FANCD2OS: variants seen among roughly 807,000 people sequenced by gnomAD.
The protein encoded by FANCD2OS is FANCD2 opposite strand protein.
In FANCD2OS, 11 loss-of-function variants were observed where a neutral mutation model predicts 13.2. That is an observed-to-expected ratio of 0.83 (90% CI 0.52 to 1.38). The LOEUF is 1.38. FANCD2OS is among the 40% of genes most tolerant of loss of function. The probability of loss-of-function intolerance (pLI) is 0.00; values close to 1 mark genes in which losing one functional copy is unlikely to be tolerated. For synonymous variants in FANCD2OS, 69 were observed against 84.5 expected (o/e 0.82, Z 1.01); for missense variants, 217 against 213.9 (o/e 1.01, Z -0.09).
chr3:10,093,553 G>A (rs1230301322), intron 2 of FANCD2OS, among the ~76,000 whole-genome samples: 1 of 152,210 alleles, frequency 6.6e-6, no homozygotes, highest in Admixed American at 6.5e-5. Context: ...AGTACTAGGA[G>A]GAATGGCTTC....
chr3:10,105,455 T>A (rs1695443044), intron 1 of FANCD2OS, among the ~76,000 whole-genome samples: 1 of 152,002 alleles, frequency 6.6e-6, no homozygotes, highest in East Asian at 1.9e-4. Flanking sequence ...AAGTCATGTC[T>A]TAAAAATATT....
downstream of FANCD2OS, among the ~76,000 whole-genome samples, chr3:10,100,619 A>G (rs1575883281): frequency 6.6e-6 from 1 of 151,938 alleles, no homozygotes; most frequent in Non-Finnish European, 1.5e-5. Flanking sequence ...TGATCTACCC[A>G]CCTCAGCCTT....
At chr3:10,092,411 A>G (rs1002287730) in intron 2 of FANCD2OS, among the ~76,000 whole-genome samples, 3 of 148,738 alleles carry the variant, frequency 2.0e-5, no homozygotes, top group African/African-American at 7.6e-5. Flanking sequence ...CATCCTGGAT[A>G]ACCCCTTTTC....
At chr3:10,094,343 T>A in intron 2 of FANCD2OS, 1 of 1,613,956 alleles carries the variant, frequency 6.2e-7, no homozygotes, top group Non-Finnish European at 8.5e-7. Flanking sequence ...GCTCCTAGAC[T>A]TCAGTTTTAG....
At chr3:10,101,577 G>T, downstream of FANCD2OS, 1 of 392,326 alleles carries the variant, frequency 2.5e-6, no homozygotes, top group Non-Finnish European at 4.8e-6. Flanking sequence ...GTAGATACGG[G>T]GTTTTACCAT....
At chr3:10,086,049 C>G (rs1198240784) in intron 2 of FANCD2OS, 1 of 709,712 alleles carries the variant, frequency 1.4e-6, no homozygotes. Context: ...CAGCTACTCT[C>G]CTCATATATG....
chr3:10,083,481 C>T (rs1008370032), intron 2 of FANCD2OS: 1 of 152,148 alleles, frequency 6.6e-6, no homozygotes, highest in Non-Finnish European at 1.5e-5. Context: ...GGGGACTTTA[C>T]AATGGTACAT....
intron 2 of FANCD2OS, chr3:10,095,001 A>G (rs1694867683): frequency 1.6e-6 from 1 of 609,440 alleles, no homozygotes; most frequent in African/African-American, 1.8e-5. Flanking sequence ...TCAGATTGAT[A>G]CAAGGGACAG....
chr3:10,097,624 A>G lies in FANCD2OS; in HGVS notation c.*43+6574T>C, dbSNP rs149391800. ...TGTTTTTTCAGGGTGCCCACATTTC[A>G]TATTGCTCAAACACACATGCTGTAC... On this transcript the variant is annotated intron_variant, in intron 2 of 2. Coordinates refer to the FANCD2OS transcript ENST00000524279. Among the ~76,000 whole-genome samples, 1,254 of 152,286 alleles carry G rather than the reference A, an allele frequency of 8.2e-3. 21 individuals carry two copies. Among genetic ancestry groups the G allele is most frequent in the African/African-American group, 0.028 (1,177 of 41,554 alleles).
chr3:10,087,059 C>T (rs878918491), intron 2 of FANCD2OS: 13 of 1,529,284 alleles, frequency 8.5e-6, no homozygotes, highest in African/African-American at 8.2e-5. Flanking sequence ...GACTTGGGCA[C>T]GTCATGTGGA....
downstream of FANCD2OS, among the ~76,000 whole-genome samples, chr3:10,103,481 G>A (rs1042439614): frequency 5.3e-5 from 8 of 152,120 alleles, no homozygotes; most frequent in African/African-American, 9.7e-5. Flanking sequence ...AGGCTGAGGC[G>A]GGAGGATCAC....
intron 2 of FANCD2OS, among the ~76,000 whole-genome samples, chr3:10,087,560 A>G (rs1193472879): frequency 6.6e-6 from 1 of 152,202 alleles, no homozygotes; most frequent in Non-Finnish European, 1.5e-5. Flanking sequence ...ACATTTGACA[A>G]AACGAGACAT....
At chr3:10,097,610 G>T (rs552903954) in intron 2 of FANCD2OS, among the ~76,000 whole-genome samples, 236 of 152,154 alleles carry the variant, frequency 1.6e-3, no homozygotes, top group African/African-American at 5.3e-3. Flanking sequence ...GTTTTTTCAG[G>T]GTGCCCACAT....
chr3:10,090,399 T>C, intron 2 of FANCD2OS: 3 of 1,534,520 alleles, frequency 2.0e-6, no homozygotes, highest in Non-Finnish European at 2.7e-6. Context: ...AGTAAGATAA[T>C]AGTCACTTCA....
At position 10,092,471 on chromosome 3, in the gene FANCD2OS, C is replaced by T. The variant is rs535921825; in HGVS notation, c.*44-10940G>A. 7.1e-4 allele frequency among the ~76,000 whole-genome samples: 108 copies of T among 151,348 alleles called. 1 individual carries two copies. The South Asian group carries it at 0.018, about 25-fold the overall frequency. ...TTTTCCTTCCTTCCTCCTACTTATG[C>T]CACAATACTATTTAATGACTCCTTC... On this transcript the variant is annotated intron_variant, in intron 2 of 2. Coordinates refer to the FANCD2OS transcript ENST00000524279.
At chr3:10,082,062 C>T (rs986640515) in intron 2 of FANCD2OS, among the ~76,000 whole-genome samples, 1 of 152,180 alleles carries the variant, frequency 6.6e-6, no homozygotes, top group African/African-American at 2.4e-5. Flanking sequence ...TATCCAACTG[C>T]CTACGCAACA....
chr3:10,099,065 A>AT, downstream of FANCD2OS: 1 of 1,569,832 alleles, frequency 6.4e-7, no homozygotes, highest in Non-Finnish European at 8.6e-7. Context: ...AATTTTCTGC[A>AT]TTATAGCCTC....
intron 2 of FANCD2OS, chr3:10,095,395 G>A (rs1694893655): frequency 1.2e-6 from 1 of 850,392 alleles, no homozygotes; most frequent in Non-Finnish European, 2.0e-6. Flanking sequence ...CTGTCCAAAG[G>A]CAGTTTATTC....
In FANCD2OS at chr3:10,107,295, C is replaced by CT. The variant is rs112043994; in HGVS notation, c.-9+719dup. ...CCAGGATCCTTTTCTTTCTTTCTTT[C>CT]TTTTTTTTTTGAGACAGAGCCTTGC... On this transcript the variant is annotated intron_variant, in intron 1 of 1. Transcript: ENST00000450660. 2.2e-3 allele frequency among the ~76,000 whole-genome samples: 335 copies of CT among 149,682 alleles called. 2 individuals are homozygous for CT. Among genetic ancestry groups the CT allele is most frequent in the East Asian group, 4.2e-3 (21 of 5,052 alleles).
Sources: allele counts gnomAD v4.1 joint callset (sites outside exome capture counted in the v4.1 genomes callset), GRCh38; gene constraint gnomAD v4.1.1; transcripts MANE v1.5; gene names NCBI Gene and HGNC (gene_info 2026-07-23, HGNC 2026-07-21).